The following CSMD1 variants were observed in gnomAD, a reference collection of about 807,000 sequenced individuals.
CSMD1 encodes CUB and Sushi multiple domains 1.
CSMD1 carries 213 observed loss-of-function variants against 417.5 expected under a neutral mutation model. The ratio of observed to expected loss-of-function variants is 0.51; its 90% confidence interval spans 0.46 to 0.57. The LOEUF (loss-of-function observed/expected upper bound fraction) is 0.57. Ranked by LOEUF, CSMD1 falls within the 20% of genes least tolerant of loss-of-function variation. The pLI is 0.00. For synonymous variants in CSMD1, 2,862 were observed against 1,736.8 expected (o/e 1.65, Z -16.11); for missense variants, 6,923 against 4,529.7 (o/e 1.53, Z -15.17).
intron 2 of CSMD1, among the ~76,000 whole-genome samples, chr8:4,563,287 G>C (rs1798434857): frequency 1.3e-5 from 2 of 152,150 alleles, no homozygotes; most frequent in African/African-American, 2.4e-5. Flanking sequence ...TGTAGTCCCA[G>C]CTACTTGGGA....
intron 12 of CSMD1, among the ~76,000 whole-genome samples, chr8:3,448,419 G>GGAGGGAGGGAGAGAGGGAGGGAGGGT: frequency 7.3e-6 from 1 of 137,760 alleles, no homozygotes; most frequent in African/African-American, 2.7e-5. Flanking sequence ...AGGAAGGAAG[G>GGAGGGAGGGAGAGAGGGAGGGAGGGT]GAAGGAAGAA....
intron 7 of CSMD1, among the ~76,000 whole-genome samples, chr8:3,642,531 G>A (rs1563226405): frequency 6.6e-6 from 1 of 152,158 alleles, no homozygotes; most frequent in African/African-American, 2.4e-5. Context: ...AGGTCTTCAA[G>A]TGTCTCCAAA....
At chr8:4,967,955 CTAAA>C (rs1342417095) in intron 1 of CSMD1, among the ~76,000 whole-genome samples, 1 of 151,346 alleles carries the variant, frequency 6.6e-6, no homozygotes, top group Non-Finnish European at 1.5e-5. Flanking sequence ...ATTTTTTTTT[CTAAA>C]TAAAGACGAT....
chr8:3,000,952 T>C (rs1807353052), intron 52 of CSMD1, among the ~76,000 whole-genome samples: 1 of 151,914 alleles, frequency 6.6e-6, no homozygotes, highest in Non-Finnish European at 1.5e-5. Context: ...AGACAGACCC[T>C]CTGACATTAT....
intron 33 of CSMD1, among the ~76,000 whole-genome samples, chr8:3,194,440 A>G (rs570707058): frequency 6.7e-6 from 1 of 148,676 alleles, no homozygotes; most frequent in East Asian, 2.0e-4. Flanking sequence ...ATTTTATTTT[A>G]TTTTATTTTA....
chr8:3,408,440 C>G (rs889261005), intron 13 of CSMD1, among the ~76,000 whole-genome samples: 1 of 151,152 alleles, frequency 6.6e-6, no homozygotes, highest in Non-Finnish European at 1.5e-5. Context: ...ACAACCAGAA[C>G]CTATACATAA....
rs139240710 is a variant in CSMD1, at chr8:4,370,548, C to G, written c.415+49405G>C. 5.0e-3 allele frequency among the ~76,000 whole-genome samples: 761 copies of G among 152,300 alleles called. 7 individuals are homozygous for G. Among genetic ancestry groups the G allele is most frequent in the African/African-American group, 0.018 (728 of 41,572 alleles). ...TCAAATGTGTTTCTCAAGTTTCTTG[C>G]TCTCTTTCTCTTGCTGGAATAACAA... On this transcript the variant is annotated intron_variant, in intron 3 of 69. Transcript: ENST00000635120.
Position 3,376,615 on chromosome 8 carries a change from T to A in CSMD1, c.2783-7245A>T, listed in dbSNP as rs150942883. Reference sequence around the variant, plus strand: ...TATCTTTCTTTAATTAAAAAAAATTTCAAAGTTTTCTTTGCGTTTGTCTTT... The same window carrying A: ...TATCTTTCTTTAATTAAAAAAAATTACAAAGTTTTCTTTGCGTTTGTCTTT... On this transcript the variant is annotated intron_variant, in intron 18 of 69. Coordinates refer to ENST00000635120, the MANE Select transcript of CSMD1 (RefSeq NM_033225.6). Among the ~76,000 whole-genome samples the A allele has an allele frequency of 3.9e-5, 6 of 152,240 alleles. No homozygotes were observed. The East Asian group carries it at 1.2e-3, about 29-fold the overall frequency.
At chr8:3,762,320 C>T (rs772204252) in intron 5 of CSMD1, among the ~76,000 whole-genome samples, 1 of 152,154 alleles carries the variant, frequency 6.6e-6, no homozygotes, top group Non-Finnish European at 1.5e-5. Flanking sequence ...TCGTTTCTGG[C>T]TCTCCTTTAA....
At chr8:3,721,991 C>A (rs1009949137) in intron 6 of CSMD1, among the ~76,000 whole-genome samples, 15 of 152,260 alleles carry the variant, frequency 9.9e-5, no homozygotes, top group African/African-American at 3.6e-4. Flanking sequence ...AAGCCCCCCA[C>A]AAGCCAGTAC....
chr8:3,432,701 A>T (rs1358721754), intron 12 of CSMD1, among the ~76,000 whole-genome samples: 4 of 152,078 alleles, frequency 2.6e-5, no homozygotes, highest in African/African-American at 4.8e-5. Flanking sequence ...TTTTTAGTAC[A>T]GATGGGGTTT....
intron 3 of CSMD1, among the ~76,000 whole-genome samples, chr8:4,081,656 C>G (rs865873344): frequency 6.6e-6 from 1 of 152,130 alleles, no homozygotes; most frequent in Non-Finnish European, 1.5e-5. Flanking sequence ...AGATACTATG[C>G]TACACAATGC....
At chr8:3,587,173 C>G (rs1030512424) in intron 8 of CSMD1, among the ~76,000 whole-genome samples, 29 of 152,222 alleles carry the variant, frequency 1.9e-4, no homozygotes, top group African/African-American at 6.5e-4. Context: ...GCTGCATTTG[C>G]AAACATGGAG....
At chr8:3,753,356 G>C (rs999193484) in intron 6 of CSMD1, among the ~76,000 whole-genome samples, 3 of 152,078 alleles carry the variant, frequency 2.0e-5, no homozygotes, top group Non-Finnish European at 4.4e-5. Flanking sequence ...ATATGATCTA[G>C]GTATAAACCT....
intron 1 of CSMD1, among the ~76,000 whole-genome samples, chr8:4,713,950 G>A (rs550725155): frequency 6.6e-6 from 1 of 152,144 alleles, no homozygotes; most frequent in East Asian, 1.9e-4. Flanking sequence ...TTCAAAACCA[G>A]CCTGGCCAAC....
chr8:4,033,609 C>G (rs1031770697), intron 3 of CSMD1, among the ~76,000 whole-genome samples: 1 of 152,154 alleles, frequency 6.6e-6, no homozygotes, highest in Non-Finnish European at 1.5e-5. Context: ...GTGGCTCAAT[C>G]CTCTTGGGCA....
At chr8:4,108,181 T>C (rs1372847308) in intron 3 of CSMD1, among the ~76,000 whole-genome samples, 1 of 151,954 alleles carries the variant, frequency 6.6e-6, no homozygotes, top group Non-Finnish European at 1.5e-5. Flanking sequence ...TTAAGTTGTA[T>C]CAGACTCTAT....
chr8:3,465,098 G>C (rs904815810), intron 12 of CSMD1, among the ~76,000 whole-genome samples: 2 of 152,116 alleles, frequency 1.3e-5, no homozygotes, highest in Admixed American at 6.5e-5. Context: ...AGTCTAGCAA[G>C]AGCGTTTGTT....
chr8:3,382,374 A>G (rs947717494), intron 18 of CSMD1, among the ~76,000 whole-genome samples: 6 of 145,756 alleles, frequency 4.1e-5, no homozygotes, highest in Non-Finnish European at 7.5e-5. Context: ...CATTCCAATA[A>G]CTTTAGTAAT....
Sources: allele counts gnomAD v4.1 joint callset (sites outside exome capture counted in the v4.1 genomes callset), GRCh38; gene constraint gnomAD v4.1.1; transcripts MANE v1.5; gene names NCBI Gene and HGNC (gene_info 2026-07-23, HGNC 2026-07-21).